STX8: variants seen among roughly 807,000 people sequenced by gnomAD.
The protein encoded by STX8 is syntaxin-8.
Under a neutral mutation model 37.5 loss-of-function variants are expected in STX8, and 23 were observed. The ratio of observed to expected loss-of-function variants is 0.61; its 90% confidence interval spans 0.44 to 0.87. The LOEUF (loss-of-function observed/expected upper bound fraction) is 0.87, where lower values mean the gene tolerates loss of function less well. Ranked by LOEUF, STX8 falls within the 40% of genes least tolerant of loss-of-function variation. STX8 has a pLI of 0.00. For missense variants in STX8, 313 were observed against 284.7 expected (o/e 1.10, Z -0.71); for synonymous variants, 115 against 99.1 (o/e 1.16, Z -0.95).
At chr17:9,529,246 TTA>T (rs1491523886) in intron 4 of STX8, among the ~76,000 whole-genome samples, 31 of 12,818 alleles carry the variant, frequency 2.4e-3, no homozygotes, top group African/African-American at 5.8e-3. Flanking sequence ...GACATAGCTC[TTA>T]GAGAGAGAGA....
At chr17:9,333,867 G>A (rs1321312026) in intron 7 of STX8, among the ~76,000 whole-genome samples, 1 of 152,136 alleles carries the variant, frequency 6.6e-6, no homozygotes, top group Non-Finnish European at 1.5e-5. Context: ...ACTGCCCAGT[G>A]GGTTCACCTT....
chr17:9,429,539 T>A (rs949933759), intron 6 of STX8, among the ~76,000 whole-genome samples: 2 of 140,786 alleles, frequency 1.4e-5, no homozygotes, highest in African/African-American at 5.2e-5. Flanking sequence ...CCATCTCTAC[T>A]AAAGGTACAA....
At chr17:9,461,058 C>T (rs1197739190) in intron 6 of STX8, among the ~76,000 whole-genome samples, 1 of 151,178 alleles carries the variant, frequency 6.6e-6, no homozygotes, top group Admixed American at 6.6e-5. Context: ...ATATTTATAG[C>T]CTTTCCACAG....
intron 7 of STX8, among the ~76,000 whole-genome samples, chr17:9,305,180 C>A (rs568374972): frequency 2.4e-4 from 36 of 152,124 alleles, no homozygotes; most frequent in Middle Eastern, 3.4e-3. Context: ...GCAACCTCCA[C>A]CTCCTGGGTT....
chr17:9,463,818 G>T (rs1272434120), intron 6 of STX8, among the ~76,000 whole-genome samples: 1 of 151,902 alleles, frequency 6.6e-6, no homozygotes, highest in Non-Finnish European at 1.5e-5. Flanking sequence ...TGAGGCAGGA[G>T]AATTGCTTGA....
intron 6 of STX8, among the ~76,000 whole-genome samples, chr17:9,407,189 T>A (rs868439140): frequency 6.6e-6 from 1 of 152,142 alleles, no homozygotes; most frequent in African/African-American, 2.4e-5. Flanking sequence ...ACTATATTTT[T>A]AATATATGTG....
In STX8 at chr17:9,250,655, A is replaced by T. The variant is rs1257771980; in HGVS notation, c.644-10T>A. 6.3e-7 allele frequency: 1 copy of T among 1,587,156 alleles called. No homozygotes were observed. On this transcript the variant is annotated splice_polypyrimidine_tract_variant and intron_variant, in intron 7 of 7. Coordinates refer to ENST00000306357, the MANE Select transcript of STX8 (RefSeq NM_004853.3). ...ATCACCATGATCATCCCTGGAAAAAAGCAGCAGAAAATACTACTTTTAATG... is the reference window on the plus strand; with the variant it reads ...ATCACCATGATCATCCCTGGAAAAATGCAGCAGAAAATACTACTTTTAATG...
chr17:9,567,261 C>T (rs1489520356), intron 2 of STX8, among the ~76,000 whole-genome samples: 3 of 152,146 alleles, frequency 2.0e-5, no homozygotes, highest in Admixed American at 2.0e-4. Context: ...ACAAGCTTAC[C>T]TATACAACAA....
chr17:9,505,156 G>A lies in STX8; in HGVS notation c.330C>T (p.Ser110=), dbSNP rs769430628. The change falls in exon 5 of 8, where the codon AGC becomes AGT. Residue 110 remains serine, a synonymous_variant. Transcript: ENST00000306357. ...CTCGCTTAGCCTCTTCACTCATCAG[G>A]CTGGACCTAAAGAACAATATTAAAT... is the stretch of plus-strand genomic sequence containing the variant. ...EGAEPDLIRS[S]LMSEEAKRGA... 35 of 1,610,610 alleles carry A rather than the reference G, an allele frequency of 2.2e-5. No homozygotes were observed. The highest frequency in any genetic ancestry group is 2.9e-5 in the Non-Finnish European group (34 of 1,179,094).
chr17:9,277,991 T>C (rs1276723945), intron 7 of STX8, among the ~76,000 whole-genome samples: 1 of 152,062 alleles, frequency 6.6e-6, no homozygotes, highest in Non-Finnish European at 1.5e-5. Context: ...AATATCTCCT[T>C]TAGGTTAGAC....
At chr17:9,392,450 AT>A (rs1379227546) in intron 6 of STX8, among the ~76,000 whole-genome samples, 11 of 152,136 alleles carry the variant, frequency 7.2e-5, no homozygotes, top group Non-Finnish European at 8.8e-5. Flanking sequence ...TCTACAAAAA[AT>A]AAAAAATTAG....
chr17:9,362,840 A>ATAAATAAAT lies in STX8; in HGVS notation c.643+15711_643+15712insATTTATTTA, dbSNP rs546458056. 1.7e-3 allele frequency among the ~76,000 whole-genome samples: 192 copies of ATAAATAAAT among 115,510 alleles called. 1 individual carries two copies. Among genetic ancestry groups the ATAAATAAAT allele is most frequent in the African/African-American group, 5.3e-3 (177 of 33,496 alleles). The allele number at this position is 115,510 out of a possible 152,430, so 75.8% of individuals were successfully genotyped here. ...TGAGACTCCGTCTCAAAAAAAAAAAAAAATAAATAAATAAATAAATAAATA... is the reference window on the plus strand; with the variant it reads ...TGAGACTCCGTCTCAAAAAAAAAAAATAAATAAATAAATAAATAAATAAATAAATAAATA... On this transcript the variant is annotated intron_variant, in intron 7 of 7. Coordinates refer to ENST00000306357, the MANE Select transcript of STX8 (RefSeq NM_004853.3).
chr17:9,350,004 C>T (rs758475106), intron 7 of STX8, among the ~76,000 whole-genome samples: 3 of 152,166 alleles, frequency 2.0e-5, no homozygotes, highest in Admixed American at 1.3e-4. Context: ...TCCCAAAGTG[C>T]GGGGATTACA....
chr17:9,267,834 C>T (rs1597573745), intron 7 of STX8, among the ~76,000 whole-genome samples: 1 of 151,872 alleles, frequency 6.6e-6, no homozygotes, highest in South Asian at 2.1e-4. Flanking sequence ...ACTAAAAATA[C>T]GAAAGAATTA....
At chr17:9,260,085 TTAA>T (rs1461002031) in intron 7 of STX8, among the ~76,000 whole-genome samples, 1 of 151,258 alleles carries the variant, frequency 6.6e-6, no homozygotes, top group African/African-American at 2.4e-5. Flanking sequence ...AAGAATAATA[TTAA>T]TAGTAGTAGT....
chr17:9,455,865 G>A (rs1322682430), intron 6 of STX8, among the ~76,000 whole-genome samples: 2 of 152,136 alleles, frequency 1.3e-5, no homozygotes, highest in Non-Finnish European at 2.9e-5. Context: ...TTTACAACTT[G>A]CTACTATAAG....
At chr17:9,407,923 AG>A (rs1335715658) in intron 6 of STX8, among the ~76,000 whole-genome samples, 3 of 152,176 alleles carry the variant, frequency 2.0e-5, no homozygotes, top group Non-Finnish European at 2.9e-5. Context: ...GTCTGGAAAA[AG>A]AAGGTCTAGC....
intron 6 of STX8, among the ~76,000 whole-genome samples, chr17:9,395,266 G>A (rs1912358627): frequency 6.6e-6 from 1 of 151,998 alleles, no homozygotes; most frequent in African/African-American, 2.4e-5. Context: ...ATTTAATGTT[G>A]AAGACAATGC....
intron 7 of STX8, among the ~76,000 whole-genome samples, chr17:9,292,764 T>C (rs1424667480): frequency 6.6e-6 from 1 of 152,178 alleles, no homozygotes; most frequent in Non-Finnish European, 1.5e-5. Flanking sequence ...AGCAGCAGAA[T>C]TTCCTCTTGA....
Sources: allele counts gnomAD v4.1 joint callset (sites outside exome capture counted in the v4.1 genomes callset), GRCh38; gene constraint gnomAD v4.1.1; transcripts MANE v1.5; gene names NCBI Gene and HGNC (gene_info 2026-07-23, HGNC 2026-07-21).